Variants in ADGRB3 observed in about 807,000 individuals in gnomAD.
The protein encoded by ADGRB3 is adhesion G protein-coupled receptor B3, also known as brain-specific angiogenesis inhibitor 3.
ADGRB3 carries 37 observed loss-of-function variants against 193.4 expected under a neutral mutation model. The observed-to-expected ratio is 0.19, with a 90% CI of 0.15 to 0.25. ADGRB3 has a LOEUF of 0.25. Among genes scored for constraint, ADGRB3 ranks in the 10% least tolerant of loss-of-function variants. The pLI, the probability that ADGRB3 is intolerant of heterozygous loss-of-function variation, is 1.00. For missense variants in ADGRB3, 1,637 were observed against 1,852.9 expected, an observed-to-expected ratio of 0.88 and a Z score of 2.14; for synonymous variants, 690 against 644.2, an observed-to-expected ratio of 1.07 and a Z score of -1.08.
At chr6:68,924,011 C>T (rs1364485756) in intron 3 of ADGRB3, among the ~76,000 whole-genome samples, 1 of 151,982 alleles carries the variant, frequency 6.6e-6, no homozygotes, top group Non-Finnish European at 1.5e-5. Flanking sequence ...TGCTAATGTG[C>T]TAAATTAAGG....
chr6:69,245,167 T>G (rs765697734), intron 20 of ADGRB3, among the ~76,000 whole-genome samples: 20 of 152,170 alleles, frequency 1.3e-4, no homozygotes, highest in Non-Finnish European at 2.5e-4. Flanking sequence ...AATTTAACCC[T>G]CAAATATTTC....
At chr6:69,227,967 T>C (rs1316865290) in intron 17 of ADGRB3, among the ~76,000 whole-genome samples, 2 of 152,112 alleles carry the variant, frequency 1.3e-5, no homozygotes, top group Non-Finnish European at 2.9e-5. Context: ...TAAAAGATCA[T>C]TACATGGGCC....
intron 20 of ADGRB3, among the ~76,000 whole-genome samples, chr6:69,265,825 G>A (rs2127276221): frequency 6.6e-6 from 1 of 152,072 alleles, no homozygotes; most frequent in East Asian, 1.9e-4. Context: ...ACTGAGGTAA[G>A]CAAAATGCCC....
At chr6:69,141,483 G>A (rs191894095) in intron 17 of ADGRB3, among the ~76,000 whole-genome samples, 2 of 151,594 alleles carry the variant, frequency 1.3e-5, no homozygotes, top group African/African-American at 4.8e-5. Context: ...TGATTCTTGA[G>A]TAAATAGTTA....
intron 3 of ADGRB3, among the ~76,000 whole-genome samples, chr6:68,867,409 G>A (rs908897768): frequency 2.6e-5 from 4 of 152,212 alleles, no homozygotes; most frequent in Non-Finnish European, 5.9e-5. Context: ...TTCAGAGGAT[G>A]TATGGAAACA....
chr6:68,711,052 A>G (rs1349223524), intron 3 of ADGRB3, among the ~76,000 whole-genome samples: 2 of 152,076 alleles, frequency 1.3e-5, no homozygotes, highest in Admixed American at 1.3e-4. Flanking sequence ...AACCCCAGCA[A>G]GTCTCCATTA....
intron 17 of ADGRB3, among the ~76,000 whole-genome samples, chr6:69,222,505 C>A (rs1054739150): frequency 7.2e-5 from 11 of 152,068 alleles, no homozygotes; most frequent in African/African-American, 2.7e-4. Flanking sequence ...ATTATCACAT[C>A]TGGAATTTAA....
chr6:68,876,943 T>C (rs1201633226), intron 3 of ADGRB3, among the ~76,000 whole-genome samples: 1 of 152,122 alleles, frequency 6.6e-6, no homozygotes, highest in African/African-American at 2.4e-5. Context: ...TTGAAAAAAC[T>C]AGGGCTCAAG....
rs58901577 is a variant in ADGRB3 at position 69,030,956 on chromosome 6, T to TTTTCTTTTCTTTTCTTTTCTTTTTTC, written c.2107+12460_2107+12461insCTTTTCTTTTCTTTTCTTTTTTCTTT. On this transcript the variant is annotated intron_variant, in intron 13 of 31. Coordinates refer to ENST00000370598, the MANE Select transcript of ADGRB3 (RefSeq NM_001704.3). ...GGTTTTAATTTTCTTTTCTTTTCTT[T>TTTTCTTTTCTTTTCTTTTCTTTTTTC]TTTTCTTTTCTTTTCTTTTCTTTTC... is the stretch of plus-strand genomic sequence containing the variant. Among the ~76,000 whole-genome samples the TTTTCTTTTCTTTTCTTTTCTTTTTTC allele has an allele frequency of 3.6e-3, 262 of 72,412 alleles. 38 individuals carry two copies. Among genetic ancestry groups the TTTTCTTTTCTTTTCTTTTCTTTTTTC allele is most frequent in the East Asian group, 9.6e-3 (39 of 4,078 alleles). The allele number at this position is 72,412 out of a possible 152,430, so 47.5% of individuals were successfully genotyped here.
At chr6:69,074,877 T>A (rs1772184151) in intron 16 of ADGRB3, among the ~76,000 whole-genome samples, 1 of 152,182 alleles carries the variant, frequency 6.6e-6, no homozygotes, top group Non-Finnish European at 1.5e-5. Flanking sequence ...CCTTGGTCTG[T>A]TTATTATTAT....
intron 3 of ADGRB3, among the ~76,000 whole-genome samples, chr6:68,905,085 A>G (rs1298240777): frequency 6.6e-6 from 1 of 152,202 alleles, no homozygotes; most frequent in Non-Finnish European, 1.5e-5. Flanking sequence ...AAGAAAATGT[A>G]TGTCTAGATT....
chr6:68,809,881 G>A (rs866221203), intron 3 of ADGRB3, among the ~76,000 whole-genome samples: 10 of 152,066 alleles, frequency 6.6e-5, no homozygotes, highest in African/African-American at 2.2e-4. Flanking sequence ...TTCTTTCCAA[G>A]TCACTGAAAA....
At chr6:69,180,972 T>G (rs1279484426) in intron 17 of ADGRB3, among the ~76,000 whole-genome samples, 1 of 152,108 alleles carries the variant, frequency 6.6e-6, no homozygotes, top group Non-Finnish European at 1.5e-5. Context: ...TACCCAAGCC[T>G]CTCTGCAAGT....
intron 26 of ADGRB3, among the ~76,000 whole-genome samples, chr6:69,352,130 T>C (rs967897099): frequency 9.2e-5 from 14 of 152,204 alleles, no homozygotes; most frequent in African/African-American, 3.4e-4. Context: ...CTTAATGGTT[T>C]CCCCAAATCA....
intron 26 of ADGRB3, among the ~76,000 whole-genome samples, chr6:69,345,279 C>G (rs1206847575): frequency 6.6e-6 from 1 of 152,106 alleles, no homozygotes; most frequent in Non-Finnish European, 1.5e-5. Context: ...TGTACTGATT[C>G]TAGCATTTTG....
chr6:68,681,733 G>T (rs1466419558), intron 3 of ADGRB3, among the ~76,000 whole-genome samples: 1 of 152,100 alleles, frequency 6.6e-6, no homozygotes, highest in Non-Finnish European at 1.5e-5. Flanking sequence ...ACAAAAATTA[G>T]ATTATAATAG....
chr6:69,184,076 A>G lies in ADGRB3; in HGVS notation c.2481-49214A>G, dbSNP rs1017645847. Among the ~76,000 whole-genome samples, 18 of 152,196 alleles carry G rather than the reference A, an allele frequency of 1.2e-4. 1 individual carries two copies. Among genetic ancestry groups the G allele is most frequent in the Admixed American group, 8.5e-4 (13 of 15,280 alleles). ...ATTTTTAACTTTTATAACTCAAATA[A>G]CAAGGCTGGTGGCCATGACATTTTA... On this transcript the variant is annotated intron_variant, in intron 17 of 31. Transcript: ENST00000370598.
At chr6:69,302,728 G>T (rs1007419861) in intron 20 of ADGRB3, among the ~76,000 whole-genome samples, 4 of 151,944 alleles carry the variant, frequency 2.6e-5, no homozygotes, top group African/African-American at 9.7e-5. Context: ...AAGTGTGGAA[G>T]GATTACGCTA....
intron 3 of ADGRB3, among the ~76,000 whole-genome samples, chr6:68,771,510 A>G (rs1467271402): frequency 3.3e-5 from 5 of 152,094 alleles, no homozygotes; most frequent in Admixed American, 2.6e-4. Context: ...CCTTTTAAAG[A>G]CAATAGTCAT....
Sources: allele counts gnomAD v4.1 joint callset (sites outside exome capture counted in the v4.1 genomes callset), GRCh38; gene constraint gnomAD v4.1.1; transcripts MANE v1.5; gene names NCBI Gene and HGNC (gene_info 2026-07-23, HGNC 2026-07-21).